NIM1K: variants seen among roughly 807,000 people sequenced by gnomAD.
NIM1K encodes NIM1 serine/threonine protein kinase.
NIM1K carries 35 observed loss-of-function variants against 37.1 expected under a neutral mutation model. That is an observed-to-expected ratio of 0.94 (90% CI 0.72 to 1.25). NIM1K has a LOEUF of 1.25. Among genes scored for constraint, NIM1K ranks in the 50% most tolerant of loss-of-function variants. The pLI, the probability that NIM1K is intolerant of heterozygous loss-of-function variation, is 0.00. For synonymous variants in NIM1K, 234 were observed against 206.6 expected (o/e 1.13, Z -1.14); for missense variants, 564 against 548.0 (o/e 1.03, Z -0.29).
intron 2 of NIM1K, among the ~76,000 whole-genome samples, chr5:43,268,949 C>A (rs1034793385): frequency 6.6e-6 from 1 of 151,486 alleles, no homozygotes; most frequent in Non-Finnish European, 1.5e-5. Flanking sequence ...TTTATAATGA[C>A]CTTCTTTGTC....
At position 43,252,845 on chromosome 5, in the gene NIM1K, T is replaced by C. The variant is rs1752884933; in HGVS notation, c.292+6778T>C. Reference sequence around the variant, plus strand: ...CAAACAAAAGAAGTGGCAGCGAATGTGGGTGTTTTTTTCTGTTGCTGCCCT... The same window carrying C: ...CAAACAAAAGAAGTGGCAGCGAATGCGGGTGTTTTTTTCTGTTGCTGCCCT... On this transcript the variant is annotated intron_variant, in intron 2 of 3. Coordinates refer to ENST00000326035, the MANE Select transcript of NIM1K (RefSeq NM_153361.4). Among the ~76,000 whole-genome samples the C allele has an allele frequency of 2.0e-5, 3 of 152,248 alleles. No homozygotes were observed. In the South Asian group the frequency reaches 6.2e-4, roughly 32 times the overall value.
intron 2 of NIM1K, among the ~76,000 whole-genome samples, chr5:43,246,328 G>T (rs1363991492): frequency 6.6e-6 from 1 of 152,104 alleles, no homozygotes; most frequent in Non-Finnish European, 1.5e-5. Context: ...CCATCTTAGA[G>T]GTTTTTGACT....
intron 1 of NIM1K, among the ~76,000 whole-genome samples, chr5:43,230,912 C>A (rs745449230): frequency 1.3e-5 from 2 of 152,262 alleles, no homozygotes. Flanking sequence ...TCTGTCCTGA[C>A]ACCCAGTAGT....
chr5:43,228,793 T>C (rs1408913191), intron 1 of NIM1K, among the ~76,000 whole-genome samples: 1 of 152,102 alleles, frequency 6.6e-6, no homozygotes, highest in African/African-American at 2.4e-5. Flanking sequence ...ATCGTTCCAC[T>C]GTACTCCAGC....
rs1752777072 is a variant in NIM1K, at chr5:43,246,174, G to A, written c.292+107G>A. The A allele has an allele frequency of 4.4e-6, 4 of 918,496 alleles. No homozygotes were observed. In the South Asian group the frequency reaches 7.1e-5, roughly 16 times the overall value. The allele number at this position is 918,496 out of a possible 1,614,324, so 56.9% of individuals were successfully genotyped here. ...AAGCAAGTAAAGTGACCTCAGCAGAGCCCCTGCAAGGCCCACATCCTGTGC... is the reference window on the plus strand; with the variant it reads ...AAGCAAGTAAAGTGACCTCAGCAGAACCCCTGCAAGGCCCACATCCTGTGC... On this transcript the variant is annotated intron_variant, in intron 2 of 3. Coordinates refer to ENST00000326035, the MANE Select transcript of NIM1K (RefSeq NM_153361.4).
At chr5:43,272,034 A>T (rs1477134143) in intron 2 of NIM1K, among the ~76,000 whole-genome samples, 1 of 152,232 alleles carries the variant, frequency 6.6e-6, no homozygotes, top group Non-Finnish European at 1.5e-5. Context: ...TATTCCACGT[A>T]TGAAGGTACC....
intron 1 of NIM1K, chr5:43,207,254 A>G (rs1007780376): frequency 2.6e-6 from 2 of 758,416 alleles, no homozygotes; most frequent in African/African-American, 3.4e-5. Context: ...CAAAGATTAC[A>G]CTGGCAAAGA....
intron 1 of NIM1K, among the ~76,000 whole-genome samples, chr5:43,215,149 T>G (rs1445207589): frequency 1.3e-5 from 2 of 152,194 alleles, no homozygotes; most frequent in East Asian, 3.9e-4. Flanking sequence ...GGGAAATGTT[T>G]TCAGCCAAAA....
At chr5:43,207,994 TA>T (rs745825569) in intron 1 of NIM1K, among the ~76,000 whole-genome samples, 27 of 152,228 alleles carry the variant, frequency 1.8e-4, no homozygotes, top group Non-Finnish European at 2.6e-4. Context: ...CTTATGGTGT[TA>T]TTTTTTTGAA....
intron 1 of NIM1K, chr5:43,194,999 T>C (rs1751891156): frequency 6.6e-6 from 1 of 152,232 alleles, no homozygotes; most frequent in African/African-American, 2.4e-5. Flanking sequence ...AAATATAACA[T>C]TAAATCCAAC....
intron 2 of NIM1K, among the ~76,000 whole-genome samples, chr5:43,254,326 C>G (rs1752910043): frequency 1.3e-5 from 2 of 152,228 alleles, no homozygotes; most frequent in Middle Eastern, 3.4e-3. Flanking sequence ...TATGGAAGCA[C>G]TGACTTGGAG....
chr5:43,269,712 G>T (rs1753226537), intron 2 of NIM1K, among the ~76,000 whole-genome samples: 1 of 151,980 alleles, frequency 6.6e-6, no homozygotes, highest in African/African-American at 2.4e-5. Flanking sequence ...TCCGCCTCCT[G>T]GGTTCATGCC....
intron 1 of NIM1K, among the ~76,000 whole-genome samples, chr5:43,196,063 A>T (rs1291789492): frequency 6.6e-6 from 1 of 152,076 alleles, no homozygotes; most frequent in Non-Finnish European, 1.5e-5. Context: ...ATCTTAGTTC[A>T]TTCTGACTCC....
intron 2 of NIM1K, among the ~76,000 whole-genome samples, chr5:43,267,083 C>CT (rs1205004140): frequency 1.3e-5 from 2 of 152,130 alleles, no homozygotes; most frequent in Non-Finnish European, 2.9e-5. Flanking sequence ...TGGCCCTAGG[C>CT]TTTTTTGTTG....
At chr5:43,250,059 A>G (rs1220495871) in intron 2 of NIM1K, among the ~76,000 whole-genome samples, 2 of 151,486 alleles carry the variant, frequency 1.3e-5, no homozygotes, top group Admixed American at 6.6e-5. Context: ...TCACCATGTT[A>G]GCCAGGATGG....
At chr5:43,265,445 T>G (rs1433489603) in intron 2 of NIM1K, among the ~76,000 whole-genome samples, 4 of 152,224 alleles carry the variant, frequency 2.6e-5, no homozygotes, top group Admixed American at 6.5e-5. Flanking sequence ...ACATAGTTCT[T>G]GTGCCATGGT....
intron 2 of NIM1K, among the ~76,000 whole-genome samples, chr5:43,270,826 C>T (rs1753244876): frequency 6.6e-6 from 1 of 152,150 alleles, no homozygotes. Flanking sequence ...GGCATGATAA[C>T]ATTAATAGAG....
In NIM1K at chr5:43,280,440, C is replaced by T. The variant is rs758670473; in HGVS notation, c.1022C>T (p.Pro341Leu). The change falls in exon 4 of 4, where the codon CCC becomes CTC. Residue 341 changes from proline (P) to leucine (L), a missense_variant. Physicochemically the swap from Pro to Leu is moderately conservative, Grantham distance 98. Coordinates refer to ENST00000326035, the MANE Select transcript of NIM1K (RefSeq NM_153361.4). ...CCTTTGGAACCTTTCCAACTGGATC[C>T]CAAACATTTGTCGGAAACCAGCACT... ...PTPLEPFQLD[P>L]KHLSETSTLK... is the part of the protein sequence containing the mutation. 1.2e-4 allele frequency: 195 copies of T among 1,613,928 alleles called. No homozygotes were observed. The highest frequency in any genetic ancestry group is 2.3e-4 in the Admixed American group (14 of 59,988).
intron 2 of NIM1K, among the ~76,000 whole-genome samples, chr5:43,255,594 C>T (rs1158150269): frequency 6.6e-6 from 1 of 151,778 alleles, no homozygotes; most frequent in Non-Finnish European, 1.5e-5. Flanking sequence ...ACTAAAAATA[C>T]AAAAATTAGC....
Sources: gnomAD v4.1 joint callset for allele counts (sites outside exome capture counted in the v4.1 genomes callset) on GRCh38, gnomAD v4.1.1 for gene constraint, MANE v1.5 for transcripts, NCBI Gene and HGNC (gene_info 2026-07-23, HGNC 2026-07-21) for gene names.